CADM2: variants seen among roughly 807,000 people sequenced by gnomAD.
The protein encoded by CADM2 is immunoglobulin superfamily member 4D.
A neutral mutation model predicts 49.8 loss-of-function variants in CADM2; 12 were observed. The ratio of observed to expected loss-of-function variants is 0.24; its 90% CI spans 0.15 to 0.39. The LOEUF (loss-of-function observed/expected upper bound fraction) is 0.39, where lower values mean the gene tolerates loss of function less well. CADM2 is among the 10% of genes least tolerant of loss of function. The probability of loss-of-function intolerance (pLI) is 1.00; values close to 1 mark genes in which losing one functional copy is unlikely to be tolerated. For synonymous variants in CADM2, 214 were observed against 175.4 expected (o/e 1.22, Z -1.74); for missense variants, 378 against 492.3 (o/e 0.77, Z 2.20).
intron 8 of CADM2, among the ~76,000 whole-genome samples, chr3:86,017,862 T>A (rs1732504916): frequency 6.6e-6 from 1 of 150,518 alleles, no homozygotes; most frequent in Admixed American, 6.6e-5. Context: ...GTCTTTTATT[T>A]ATTTTATTTT....
At chr3:85,474,526 C>T (rs1188676396) in intron 1 of CADM2, among the ~76,000 whole-genome samples, 3 of 152,014 alleles carry the variant, frequency 2.0e-5, no homozygotes, top group Admixed American at 6.6e-5. Context: ...AATAGCTGGG[C>T]CCCATGGTGC....
chr3:85,508,269 A>G (rs1320878900), intron 1 of CADM2, among the ~76,000 whole-genome samples: 6 of 152,176 alleles, frequency 3.9e-5, no homozygotes, highest in Non-Finnish European at 1.5e-5. Flanking sequence ...ATTACATATT[A>G]TTAGACATTT....
At chr3:85,069,400 C>T (rs1027886019) in intron 1 of CADM2, among the ~76,000 whole-genome samples, 5 of 151,972 alleles carry the variant, frequency 3.3e-5, no homozygotes. Context: ...TCAAAAAGTA[C>T]TTTTGCATAT....
chr3:85,022,910 C>T (rs575604740), intron 1 of CADM2, among the ~76,000 whole-genome samples: 35 of 152,124 alleles, frequency 2.3e-4, no homozygotes, highest in African/African-American at 7.9e-4. Context: ...TTTATTATAA[C>T]ATATGGTAAC....
intron 8 of CADM2, among the ~76,000 whole-genome samples, chr3:86,023,599 C>G (rs1343546416): frequency 6.6e-6 from 1 of 152,070 alleles, no homozygotes; most frequent in Non-Finnish European, 1.5e-5. Context: ...CTCAGGTGAT[C>G]TGCCCGCCTC....
intron 1 of CADM2, among the ~76,000 whole-genome samples, chr3:85,109,311 A>C (rs1250524671): frequency 6.6e-6 from 1 of 152,004 alleles, no homozygotes; most frequent in African/African-American, 2.4e-5. Context: ...CGCAAGTGAA[A>C]ATAGATGATA....
intron 1 of CADM2, among the ~76,000 whole-genome samples, chr3:85,513,864 CT>C (rs2060833041): frequency 2.0e-5 from 3 of 152,074 alleles, no homozygotes; most frequent in African/African-American, 7.2e-5. Flanking sequence ...AGCAGATGCT[CT>C]TTCTTGATAT....
At chr3:85,423,048 A>G (rs2036246380) in intron 1 of CADM2, among the ~76,000 whole-genome samples, 2 of 152,132 alleles carry the variant, frequency 1.3e-5, no homozygotes, top group South Asian at 4.2e-4. Flanking sequence ...TTATTGAGAG[A>G]TGGAGGTGGC....
intron 1 of CADM2, among the ~76,000 whole-genome samples, chr3:84,983,171 T>G (rs1269964699): frequency 6.6e-6 from 1 of 152,184 alleles, no homozygotes; most frequent in Non-Finnish European, 1.5e-5. Flanking sequence ...TATTTCATTT[T>G]GCAATGTATC....
intron 2 of CADM2, among the ~76,000 whole-genome samples, chr3:85,755,463 C>T (rs1366765474): frequency 6.6e-6 from 1 of 152,128 alleles, no homozygotes; most frequent in Non-Finnish European, 1.5e-5. Context: ...GAAACCTCCC[C>T]AACCTCATTG....
At chr3:85,540,747 A>G (rs4856271) in intron 1 of CADM2, among the ~76,000 whole-genome samples, 77,958 of 152,116 alleles carry the variant, frequency 0.51, 23,070 homozygotes, top group East Asian at 0.85. Context: ...AAAATACCAC[A>G]TACTGGATAA....
At chr3:85,877,192 T>A (rs377679867) in intron 3 of CADM2, among the ~76,000 whole-genome samples, 3 of 152,158 alleles carry the variant, frequency 2.0e-5, no homozygotes, top group South Asian at 2.1e-4. Flanking sequence ...CCCATTCGCT[T>A]ATTTTTAATA....
At chr3:85,268,840 G>A (rs892060590) in intron 1 of CADM2, among the ~76,000 whole-genome samples, 1 of 151,152 alleles carries the variant, frequency 6.6e-6, no homozygotes, top group Non-Finnish European at 1.5e-5. Flanking sequence ...GAACTATTAA[G>A]ATATGAAGTA....
chr3:85,165,913 A>G (rs2040459622), intron 1 of CADM2, among the ~76,000 whole-genome samples: 1 of 151,764 alleles, frequency 6.6e-6, no homozygotes, highest in Admixed American at 6.6e-5. Context: ...TGATGTAGCT[A>G]TATTATAAAA....
At chr3:85,168,095 T>A (rs186874929) in intron 1 of CADM2, among the ~76,000 whole-genome samples, 2 of 152,222 alleles carry the variant, frequency 1.3e-5, no homozygotes, top group East Asian at 3.9e-4. Context: ...TCCCTCTGTT[T>A]CCCACGCTAG....
chr3:85,338,568 A>T (rs1485821898), intron 1 of CADM2, among the ~76,000 whole-genome samples: 1 of 151,586 alleles, frequency 6.6e-6, no homozygotes, highest in Non-Finnish European at 1.5e-5. Context: ...TCTTGAAGTC[A>T]GTAAAAACCC....
intron 1 of CADM2, among the ~76,000 whole-genome samples, chr3:85,253,054 AAAACCAAAAG>A (rs1173278032): frequency 6.6e-6 from 1 of 152,120 alleles, no homozygotes; most frequent in East Asian, 1.9e-4. Flanking sequence ...AAACAAGCAA[AAAACCAAAAG>A]AAACCAAAAG....
chr3:86,008,486 TTTTG>T lies in CADM2; in HGVS notation c.970+46843_970+46846del, dbSNP rs1424433432. On this transcript the variant is annotated intron_variant, in intron 8 of 9. Coordinates refer to ENST00000383699, the MANE Select transcript of CADM2 (RefSeq NM_001167675.2). ...ATCAAAACATTTTATGTGCATTTTA[TTTTG>T]TTTATTTGCATAAATAAAAACACCA... Among the ~76,000 whole-genome samples the T allele has an allele frequency of 3.2e-4, 49 of 152,270 alleles. No individual in the cohort carries two copies. The Middle Eastern group carries it at 0.01, about 32-fold the overall frequency.
intron 1 of CADM2, among the ~76,000 whole-genome samples, chr3:85,016,169 T>C (rs1357804512): frequency 6.6e-6 from 1 of 152,110 alleles, no homozygotes; most frequent in Non-Finnish European, 1.5e-5. Context: ...TAATGCCAGG[T>C]AGATTCATTC....
Sources: allele counts gnomAD v4.1 joint callset (sites outside exome capture counted in the v4.1 genomes callset), GRCh38; gene constraint gnomAD v4.1.1; transcripts MANE v1.5; gene names NCBI Gene and HGNC (gene_info 2026-07-23, HGNC 2026-07-21).